DNAJC6: variants seen among roughly 807,000 people sequenced by gnomAD.
DNAJC6 encodes the protein auxilin.
A neutral mutation model predicts 110.0 loss-of-function variants in DNAJC6; 34 were observed. The ratio of observed to expected loss-of-function variants is 0.31; its 90% CI spans 0.24 to 0.41. The LOEUF (loss-of-function observed/expected upper bound fraction) is 0.41. Among genes scored for constraint, DNAJC6 ranks in the 10% least tolerant of loss-of-function variants. DNAJC6 has a pLI of 1.00. For synonymous variants in DNAJC6, 406 were observed against 437.2 expected (o/e 0.93, Z 0.89); for missense variants, 1,031 against 1,207.8 (o/e 0.85, Z 2.17).
chr1:65,348,503 C>G (rs1645458338), intron 1 of DNAJC6, among the ~76,000 whole-genome samples: 1 of 152,038 alleles, frequency 6.6e-6, no homozygotes, highest in African/African-American at 2.4e-5. Flanking sequence ...GAATAATTGA[C>G]CCTTTATTAT....
intron 1 of DNAJC6, among the ~76,000 whole-genome samples, chr1:65,362,364 C>T (rs749556219): frequency 2.0e-5 from 3 of 152,098 alleles, no homozygotes; most frequent in Non-Finnish European, 4.4e-5. Context: ...GTGCCTATTA[C>T]GTGAATATTT....
At chr1:65,372,355 G>A (rs1645715343) in intron 4 of DNAJC6, among the ~76,000 whole-genome samples, 1 of 151,982 alleles carries the variant, frequency 6.6e-6, no homozygotes, top group African/African-American at 2.4e-5. Flanking sequence ...TTGCCAAATG[G>A]GGTTCATTCC....
At chr1:65,275,921 G>GTTTTTTT in intron 1 of DNAJC6, among the ~76,000 whole-genome samples, 1 of 138,892 alleles carries the variant, frequency 7.2e-6, no homozygotes, top group Non-Finnish European at 1.5e-5. Flanking sequence ...TTTTGAGACA[G>GTTTTTTT]AGTCTCCCTC....
rs891410293 is a variant in DNAJC6, at chr1:65,385,897, A to G, written c.986A>G (p.Glu329Gly). ...TKIYSTCTDFERMKEYRVQDG... is the reference protein window; with the variant it reads ...TKIYSTCTDFGRMKEYRVQDG... ...ATATATTCGACTTGCACAGATTTTGAACGAATGAAGTAAGTCATGATACTT... is the reference window on the plus strand; with the variant it reads ...ATATATTCGACTTGCACAGATTTTGGACGAATGAAGTAAGTCATGATACTT... The change falls in exon 7 of 19, where the codon GAA becomes GGA. Residue 329 changes from glutamate to glycine, a missense_variant. Transcript: ENST00000371069. 6.2e-7 allele frequency: 1 copy of G among 1,602,816 alleles called. No individual in the cohort carries two copies. Among genetic ancestry groups the G allele is most frequent in the Admixed American group, 1.7e-5 (1 of 59,746 alleles).
intron 13 of DNAJC6, 121 bp from the exon 14 acceptor site, chr1:65,398,692 T>C: frequency 1.1e-6 from 1 of 884,250 alleles, no homozygotes; most frequent in East Asian, 2.6e-5. Context: ...GGAGTGGATA[T>C]CTTGGGATCT....
intron 17 of DNAJC6, among the ~76,000 whole-genome samples, 189 bp from the exon 18 acceptor site, chr1:65,411,061 T>G (rs1377500482): frequency 1.3e-5 from 2 of 151,954 alleles, no homozygotes; most frequent in Non-Finnish European, 2.9e-5. Context: ...GATGATAGAG[T>G]TAACCAGGGA....
intron 17 of DNAJC6, among the ~76,000 whole-genome samples, chr1:65,411,008 C>T (rs925559507): frequency 7.9e-5 from 12 of 152,018 alleles, no homozygotes; most frequent in African/African-American, 2.7e-4. Flanking sequence ...AATTCAAACT[C>T]GCAAAGTCTA....
intron 1 of DNAJC6, among the ~76,000 whole-genome samples, chr1:65,297,417 T>C (rs1284024894): frequency 6.6e-6 from 1 of 152,252 alleles, no homozygotes; most frequent in Non-Finnish European, 1.5e-5. Flanking sequence ...TTGATTTTCT[T>C]ATCTTTAAAT....
intron 1 of DNAJC6, among the ~76,000 whole-genome samples, chr1:65,362,702 G>C (rs1449908901): frequency 6.6e-6 from 1 of 152,114 alleles, no homozygotes; most frequent in Non-Finnish European, 1.5e-5. Flanking sequence ...AGCAAAGCTG[G>C]GCAGGAACCC....
intron 1 of DNAJC6, among the ~76,000 whole-genome samples, chr1:65,334,803 C>T (rs989764528): frequency 2.6e-5 from 4 of 152,028 alleles, no homozygotes; most frequent in Non-Finnish European, 5.9e-5. Context: ...TTGTATCTAC[C>T]CATTCTTACT....
intron 1 of DNAJC6, among the ~76,000 whole-genome samples, chr1:65,282,862 G>A (rs991739380): frequency 1.3e-5 from 2 of 152,186 alleles, no homozygotes; most frequent in Non-Finnish European, 2.9e-5. Flanking sequence ...CAGAGATTGT[G>A]TCTTGTCACA....
chr1:65,356,218 C>T (rs572209376), intron 1 of DNAJC6, among the ~76,000 whole-genome samples: 4 of 152,050 alleles, frequency 2.6e-5, no homozygotes, highest in African/African-American at 9.6e-5. Flanking sequence ...GGATTCCCAG[C>T]CATTTGTGGG....
intron 1 of DNAJC6, among the ~76,000 whole-genome samples, chr1:65,273,316 C>T (rs979867527): frequency 6.6e-6 from 1 of 151,966 alleles, no homozygotes; most frequent in African/African-American, 2.4e-5. Flanking sequence ...TCCTTTAAGC[C>T]GGCCAGGCGT....
chr1:65,410,865 G>A (rs1646121929), intron 17 of DNAJC6, among the ~76,000 whole-genome samples: 1 of 152,214 alleles, frequency 6.6e-6, no homozygotes, highest in African/African-American at 2.4e-5. Context: ...ACATATTATG[G>A]TAGAAATATG....
intron 12 of DNAJC6, among the ~76,000 whole-genome samples, chr1:65,393,829 G>A (rs1204423203): frequency 6.6e-6 from 1 of 151,992 alleles, no homozygotes; most frequent in Non-Finnish European, 1.5e-5. Context: ...TTTTCCCCAA[G>A]CGTATCCTTC....
chr1:65,388,019 T>C (rs1645888873), intron 8 of DNAJC6, among the ~76,000 whole-genome samples: 2 of 152,290 alleles, frequency 1.3e-5, no homozygotes, highest in South Asian at 2.1e-4. Context: ...TTTTAAGACA[T>C]GCCCTAAAGG....
intron 1 of DNAJC6, among the ~76,000 whole-genome samples, chr1:65,271,726 C>T (rs553768637): frequency 8.6e-5 from 13 of 151,782 alleles, no homozygotes; most frequent in Middle Eastern, 3.4e-3. Context: ...AAAAATTAGC[C>T]GGGTGTGGTG....
chr1:65,288,336 A>G (rs1254991794), intron 1 of DNAJC6, among the ~76,000 whole-genome samples: 1 of 152,228 alleles, frequency 6.6e-6, no homozygotes, highest in African/African-American at 2.4e-5. Flanking sequence ...GTTTGAAAGA[A>G]AAGCAATACA....
chr1:65,384,121 A>G, intron 5 of DNAJC6, 72 bp from the exon 6 acceptor site: 1 of 1,344,102 alleles, frequency 7.4e-7, no homozygotes, highest in Non-Finnish European at 9.6e-7. Flanking sequence ...TTAATTGCAA[A>G]TTCTGCCATT....
Sources: gnomAD v4.1 joint callset for allele counts (sites outside exome capture counted in the v4.1 genomes callset) on GRCh38, gnomAD v4.1.1 for gene constraint, MANE v1.5 for transcripts, NCBI Gene and HGNC (gene_info 2026-07-23, HGNC 2026-07-21) for gene names.